Variants in FLT1 observed in about 807,000 individuals in gnomAD.
FLT1 encodes vascular endothelial growth factor receptor 1.
A neutral mutation model predicts 156.3 loss-of-function variants in FLT1; 49 were observed. That is an observed-to-expected ratio of 0.31 (90% confidence interval 0.25 to 0.40). The LOEUF (loss-of-function observed/expected upper bound fraction) is 0.40. Among genes scored for constraint, FLT1 ranks in the 10% least tolerant of loss-of-function variants. The pLI, the probability that FLT1 is intolerant of heterozygous loss-of-function variation, is 1.00. For synonymous variants in FLT1, 594 were observed against 583.8 expected (o/e 1.02, Z -0.25); for missense variants, 1,322 against 1,637.2 (o/e 0.81, Z 3.32).
intron 3 of FLT1, among the ~76,000 whole-genome samples, chr13:28,443,041 A>G (rs78305106): frequency 0.02 from 3,096 of 152,268 alleles, 57 homozygotes; most frequent in South Asian, 0.061. Flanking sequence ...AGCTGCTCCA[A>G]AGACTGCCGG....
At chr13:28,438,446 C>T (rs1002840251) in intron 3 of FLT1, 101 bp from the exon 4 acceptor site, 40 of 870,114 alleles carry the variant, frequency 4.6e-5, no homozygotes, top group Non-Finnish European at 7.0e-5. Context: ...GCCACAGTCA[C>T]GTCATTCTCC....
chr13:28,306,881 C>T lies in FLT1; in HGVS notation c.3721-109G>A, dbSNP rs578174455. The T allele has an allele frequency of 5.4e-6, 4 of 746,250 alleles. No homozygotes were observed. The Admixed American group carries it at 7.9e-5, about 15-fold the overall frequency. 46.2% of individuals were successfully genotyped at this position (746,250 alleles called of 1,614,324 possible). ...TCTGTTGATCCAGGCTCTGCCTCAC[C>T]CTCCACAATCCCAGCCTATTGAGAC... On this transcript the variant is annotated intron_variant, in intron 28 of 29. Transcript: ENST00000282397.
At chr13:28,366,189 A>G (rs1873284762) in intron 14 of FLT1, among the ~76,000 whole-genome samples, 1 of 152,218 alleles carries the variant, frequency 6.6e-6, no homozygotes, top group African/African-American at 2.4e-5. Context: ...GTGAAGGCCA[A>G]TAAAAACATG....
Position 28,431,247 on chromosome 13 carries a change from A to G in FLT1, c.877T>C (p.Tyr293His). 1 of 1,613,732 alleles carries G rather than the reference A, an allele frequency of 6.2e-7. No individual in the cohort carries two copies. ...ATTTTGTCAATAGTAAGAACACTGT[A>G]GAATATGTTGGCATGGGAATTGCTT... Reference protein sequence around the residue: ...DQSNSHANIFYSVLTIDKMQN... With the variant: ...DQSNSHANIFHSVLTIDKMQN... Residue 293 changes from tyrosine (Y) to histidine (H), a missense_variant, in exon 7 of 30, where the codon TAC (tyrosine) becomes CAC (histidine). Tyr to His is a moderately conservative substitution (Grantham distance 83). Around this residue, in one of 3 missense-constraint regions of FLT1, gnomAD observed 991 missense variants for 1,254.8 expected, o/e 0.79. Coordinates refer to ENST00000282397, the MANE Select transcript of FLT1 (RefSeq NM_002019.4).
chr13:28,369,969 G>A (rs1873483205), intron 14 of FLT1, among the ~76,000 whole-genome samples: 1 of 152,172 alleles, frequency 6.6e-6, no homozygotes, highest in Non-Finnish European at 1.5e-5. Flanking sequence ...GGAGGTAGAG[G>A]CAGGAGGACA....
chr13:28,371,462 G>A (rs908692027), intron 14 of FLT1, among the ~76,000 whole-genome samples: 6 of 152,036 alleles, frequency 3.9e-5, no homozygotes, highest in East Asian at 1.9e-4. Flanking sequence ...GCATCTCCAC[G>A]CTGTAGCTGC....
chr13:28,392,369 CTTTTTA>C (rs1263696156), intron 12 of FLT1, among the ~76,000 whole-genome samples: 1 of 152,138 alleles, frequency 6.6e-6, no homozygotes, highest in Non-Finnish European at 1.5e-5. Context: ...AATTCAGCAT[CTTTTTA>C]TATTTGGGCC....
At chr13:28,318,641 T>C (rs1871304314) in intron 24 of FLT1, among the ~76,000 whole-genome samples, 1 of 152,166 alleles carries the variant, frequency 6.6e-6, no homozygotes, top group Admixed American at 6.5e-5. Context: ...CAGGTGCCTG[T>C]CATCGAAAGC....
chr13:28,428,971 T>C (rs1566022370), intron 8 of FLT1, among the ~76,000 whole-genome samples: 1 of 152,110 alleles, frequency 6.6e-6, no homozygotes, highest in South Asian at 2.1e-4. Flanking sequence ...TGACGGTGGA[T>C]TGAATTTTTT....
chr13:28,334,055 A>G lies in FLT1; in HGVS notation c.2563T>C (p.Cys855Arg). 2 of 1,613,394 alleles carry G rather than the reference A, an allele frequency of 1.2e-6. No individual in the cohort carries two copies. The highest frequency in any genetic ancestry group is 1.1e-5 in the South Asian group (1 of 91,066). The change falls in exon 18 of 30, where the codon TGC (cysteine) becomes CGC (arginine). Residue 855 changes from cysteine to arginine, a missense_variant. Physicochemically the swap from Cys to Arg is radical, Grantham distance 180. Coordinates refer to ENST00000282397, the MANE Select transcript of FLT1 (RefSeq NM_002019.4). ...SAFGIKKSPT[C>R]RTVAVKMLKE... Reference sequence around the variant, plus strand: ...AGCATTTTCACAGCCACAGTCCGGCACGTAGGTGATTTCTTAATGCCAAAT... The same window carrying G: ...AGCATTTTCACAGCCACAGTCCGGCGCGTAGGTGATTTCTTAATGCCAAAT...
At chr13:28,396,093 G>T (rs1875027672) in intron 12 of FLT1, among the ~76,000 whole-genome samples, 2 of 152,232 alleles carry the variant, frequency 1.3e-5, no homozygotes, top group Non-Finnish European at 2.9e-5. Flanking sequence ...CGTTCTATGA[G>T]AATCTACTCA....
chr13:28,372,019 G>GGGGTGT (rs1379625659), intron 14 of FLT1, among the ~76,000 whole-genome samples: 1 of 24,748 alleles, frequency 4.0e-5, no homozygotes, highest in Admixed American at 5.2e-4. Flanking sequence ...ATAAATCATT[G>GGGGTGT]GTGTGTGTGT....
At chr13:28,396,870 C>A in intron 12 of FLT1, 90 bp downstream of exon 12, 1 of 802,108 alleles carries the variant, frequency 1.2e-6, no homozygotes, top group Non-Finnish European at 2.2e-6. Context: ...AAAAAAAAAT[C>A]ACTCAAGCTA....
At chr13:28,361,046 G>A (rs1435014004) in intron 14 of FLT1, among the ~76,000 whole-genome samples, 1 of 151,972 alleles carries the variant, frequency 6.6e-6, no homozygotes, top group African/African-American at 2.4e-5. Flanking sequence ...GTGGGAGGCC[G>A]AGGTGGGTGG....
At chr13:28,386,957 A>G (rs1874402572) in intron 13 of FLT1, 2 of 1,043,896 alleles carry the variant, frequency 1.9e-6, no homozygotes, top group African/African-American at 3.3e-5. Context: ...TCTTGTAAAA[A>G]GGAAGTCTGA....
At chr13:28,365,600 C>A (rs932791034) in intron 14 of FLT1, among the ~76,000 whole-genome samples, 2 of 152,192 alleles carry the variant, frequency 1.3e-5, no homozygotes, top group South Asian at 2.1e-4. Flanking sequence ...GATTCGCCAA[C>A]CTTGGCCTCC....
chr13:28,389,126 C>G, intron 13 of FLT1: 3 of 1,056,134 alleles, frequency 2.8e-6, no homozygotes, highest in Non-Finnish European at 2.3e-6. Context: ...AGCTCCAGTT[C>G]AAGATAAATG....
At chr13:28,437,315 C>G (rs1878082831) in intron 4 of FLT1, among the ~76,000 whole-genome samples, 1 of 152,180 alleles carries the variant, frequency 6.6e-6, no homozygotes, top group Non-Finnish European at 1.5e-5. Context: ...GAGAATCCTC[C>G]ACCACATTTC....
At chr13:28,345,186 A>G (rs141305050) in intron 16 of FLT1, among the ~76,000 whole-genome samples, 1 of 152,114 alleles carries the variant, frequency 6.6e-6, no homozygotes, top group African/African-American at 2.4e-5. Context: ...CTCTATTAAC[A>G]TATTTTGTAT....
Sources: allele counts gnomAD v4.1 joint callset (sites outside exome capture counted in the v4.1 genomes callset), GRCh38; gene constraint gnomAD v4.1.1; regional missense constraint gnomAD v4.1.1; transcripts MANE v1.5; gene names NCBI Gene and HGNC (gene_info 2026-07-23, HGNC 2026-07-21).